CDKL5: variants seen among roughly 807,000 people sequenced by gnomAD.
CDKL5 encodes cyclin-dependent kinase-like 5.
A neutral mutation model predicts 61.7 loss-of-function variants in CDKL5; 8 were observed. That is an observed-to-expected ratio of 0.13 (90% CI 0.08 to 0.23). The LOEUF is 0.23. Among genes scored for constraint, CDKL5 ranks in the 10% least tolerant of loss-of-function variants. The pLI is 1.00. For missense variants in CDKL5, 440 were observed against 734.5 expected (o/e 0.60, Z 4.63); for synonymous variants, 275 against 272.3 (o/e 1.01, Z -0.10).
At position 18,456,880 on chromosome X, in the gene CDKL5, G is replaced by T. The variant is rs183974699; in HGVS notation, c.-163+31185G>T. 4.3e-3 allele frequency among the ~76,000 whole-genome samples: 478 copies of T among 110,663 alleles called. 2 individuals carry two copies. In the Middle Eastern group the frequency reaches 0.046, roughly 11 times the overall value. ...TTCTTTCTTGCCCTTGGTGTAATGC[G>T]TTATTGTTTTAACCCTAACCCTGTG... is the stretch of plus-strand genomic sequence containing the variant. On this transcript the variant is annotated intron_variant, in intron 1 of 17. Coordinates refer to ENST00000623535, the MANE Select transcript of CDKL5 (RefSeq NM_001323289.2).
At chrX:18,517,740 T>C (rs1472050590) in intron 3 of CDKL5, among the ~76,000 whole-genome samples, 1 of 111,835 alleles carries the variant, frequency 8.9e-6, no homozygotes, top group African/African-American at 3.3e-5. Context: ...TTCTTCAAAG[T>C]AGTGCATGGA....
rs1468009943 is a variant in CDKL5, at chrX:18,629,855, T to C, written c.*1098T>C. The C allele has an allele frequency of 2.7e-6, 2 of 752,751 alleles. No individual in the cohort carries two copies. Among genetic ancestry groups the C allele is most frequent in the Non-Finnish European group, 3.1e-6 (2 of 639,117 alleles). 62.0% of individuals were successfully genotyped at this position (752,751 alleles called of 1,213,427 possible). A position where few individuals can be genotyped will look rare whatever the true frequency, so the allele number is the denominator to read the frequency against. On this transcript the variant is annotated 3_prime_UTR_variant, in exon 18 of 18. Transcript: ENST00000623535. ...TACTCGTGGGTCTTTGTAGAGAGAA[T>C]GTGCTCTTCCACTTAGCATTAGTGT...
chrX:18,511,616 G>A (rs1462132797), intron 3 of CDKL5, among the ~76,000 whole-genome samples: 1 of 111,972 alleles, frequency 8.9e-6, no homozygotes, highest in East Asian at 2.8e-4. Context: ...TAGCCTAGAT[G>A]TGTAGTAGGC....
At chrX:18,601,913 T>G (rs1324681563) in intron 11 of CDKL5, among the ~76,000 whole-genome samples, 1 of 111,628 alleles carries the variant, frequency 9.0e-6, no homozygotes, top group Non-Finnish European at 1.9e-5. Context: ...CTGTCTACGA[T>G]TACTATTTCT....
At chrX:18,533,629 T>A (rs887820997) in intron 3 of CDKL5, among the ~76,000 whole-genome samples, 1 of 111,800 alleles carries the variant, frequency 8.9e-6, no homozygotes, top group Non-Finnish European at 1.9e-5. Context: ...TGACCTCCAA[T>A]TCCCAGATAA....
chrX:18,543,266 C>T (rs2147117265), intron 3 of CDKL5, among the ~76,000 whole-genome samples: 1 of 109,376 alleles, frequency 9.1e-6, no homozygotes, highest in African/African-American at 3.4e-5. Flanking sequence ...TTTTCCTGGT[C>T]TTTTGGCTGA....
intron 15 of CDKL5, among the ~76,000 whole-genome samples, chrX:18,617,910 C>A (rs2147170814): frequency 8.9e-6 from 1 of 112,018 alleles, no homozygotes; most frequent in Admixed American, 9.5e-5. Flanking sequence ...GGCCCATCTT[C>A]CCTGTGTCCT....
At chrX:18,440,997 G>C (rs1327694911) in intron 1 of CDKL5, among the ~76,000 whole-genome samples, 3 of 111,516 alleles carry the variant, frequency 2.7e-5, no homozygotes, top group African/African-American at 9.8e-5. Context: ...TATGTTAGAG[G>C]AAGAGGGAAG....
rs776025230 is a variant in CDKL5 at position 18,575,447 on chromosome X, G to T, written c.239G>T (p.Arg80Leu). 1 of 1,209,770 alleles carries T rather than the reference G, an allele frequency of 8.3e-7. No individual in the cohort carries two copies. Among genetic ancestry groups the T allele is most frequent in the East Asian group, 3.0e-5 (1 of 33,808 alleles). The stretch of plus-strand genomic sequence containing the variant: ...ATTGTGGAGTTGAAGGAAGCATTTC[G>T]TCGGAGGGGAAAGTTGTACTTGGTG... ...ENIVELKEAF[R>L]RRGKLYLVFE... Residue 80 changes from arginine (R) to leucine (L), a missense_variant, in exon 5 of 18, where the codon CGT becomes CTT. Transcript: ENST00000623535.
At chrX:18,490,274 C>A (rs778811153) in intron 1 of CDKL5, among the ~76,000 whole-genome samples, 6 of 111,395 alleles carry the variant, frequency 5.4e-5, no homozygotes, top group African/African-American at 2.0e-4. Context: ...GTTGTGGGAA[C>A]CCCCAAATTT....
In CDKL5 at chrX:18,636,348, A is replaced by G. The variant is rs1927386457; in HGVS notation, c.*7591A>G. On this transcript the variant is annotated 3_prime_UTR_variant, in exon 18 of 18. Transcript: ENST00000623535. ...CCAAGTGTTTTGCTTTATTATTATT[A>G]TTATTATTATTATTATTATTATTAT... 1.0e-5 allele frequency: 1 copy of G among 95,844 alleles called. No individual in the cohort carries two copies. The allele number at this position is 95,844 out of a possible 1,213,427, so 7.9% of individuals were successfully genotyped here.
chrX:18,468,430 T>A (rs925963872), intron 1 of CDKL5, among the ~76,000 whole-genome samples: 1 of 112,509 alleles, frequency 8.9e-6, no homozygotes, highest in African/African-American at 3.2e-5. Flanking sequence ...GTTGTATGTT[T>A]CTTTCTTGAG....
chrX:18,652,313 C>A (rs903634853), intron 21 of CDKL5, among the ~76,000 whole-genome samples: 1 of 111,882 alleles, frequency 8.9e-6, no homozygotes, highest in Non-Finnish European at 1.9e-5. Flanking sequence ...CTGGCCTAAT[C>A]AAAAGAAACC....
Position 18,640,071 on chromosome X carries a change from G to A in CDKL5, c.*11314G>A, listed in dbSNP as rs1300655594. The A allele has an allele frequency of 9.0e-6, 1 of 111,317 alleles. No homozygotes were observed. Among genetic ancestry groups the A allele is most frequent in the Non-Finnish European group, 1.9e-5 (1 of 53,079 alleles). 9.2% of individuals were successfully genotyped at this position (111,317 alleles called of 1,213,427 possible). ...TTGGGGTGATAAACTTTCTAAAATT[G>A]ATCTAGTGATAATGGTTGCACAACT... On this transcript the variant is annotated 3_prime_UTR_variant, in exon 18 of 18. Transcript: ENST00000623535.
rs1602306941 is a variant in CDKL5 at position 18,639,609 on chromosome X, A to G, written c.*10852A>G. On this transcript the variant is annotated 3_prime_UTR_variant, in exon 18 of 18. Transcript: ENST00000623535. ...ATAATAGTTCCTCCAAAGATTAAAC[A>G]AGAGTGACTGTGTGTCCCAGCAGTT... 8.9e-6 allele frequency among the ~76,000 whole-genome samples: 1 copy of G among 112,503 alleles called. No homozygotes were observed. The highest frequency in any genetic ancestry group is 2.8e-4 in the East Asian group (1 of 3,605).
chrX:18,555,332 T>C (rs1924561524), intron 3 of CDKL5, among the ~76,000 whole-genome samples: 2 of 111,818 alleles, frequency 1.8e-5, no homozygotes, highest in African/African-American at 6.5e-5. Context: ...CAGATTGTAT[T>C]TTTTTTAAGT....
intron 1 of CDKL5, among the ~76,000 whole-genome samples, chrX:18,443,111 C>G (rs779932422): frequency 8.1e-5 from 9 of 111,757 alleles, no homozygotes; most frequent in Non-Finnish European, 1.5e-4. Flanking sequence ...CTTTGCTCAC[C>G]ATTCTTCCTT....
intron 3 of CDKL5, among the ~76,000 whole-genome samples, chrX:18,528,856 A>G: frequency 9.0e-6 from 1 of 110,710 alleles, no homozygotes; most frequent in East Asian, 2.8e-4. Context: ...GCTGGTCTCA[A>G]ACTCCTGGGC....
chrX:18,645,417 A>T (rs1449851716), intron 19 of CDKL5, among the ~76,000 whole-genome samples: 1 of 110,303 alleles, frequency 9.1e-6, no homozygotes, highest in Middle Eastern at 4.2e-3. Flanking sequence ...AACACGTCCC[A>T]ATGTGAGCCC....
Sources: allele counts gnomAD v4.1 joint callset (sites outside exome capture counted in the v4.1 genomes callset), GRCh38; gene constraint gnomAD v4.1.1; transcripts MANE v1.5; gene names NCBI Gene and HGNC (gene_info 2026-07-23, HGNC 2026-07-21).